The following SP110 variants were observed in gnomAD, a reference collection of about 807,000 sequenced individuals.
SP110 encodes the protein SP110 nuclear body protein.
A neutral mutation model predicts 92.7 loss-of-function variants in SP110; 62 were observed. The ratio of observed to expected loss-of-function variants is 0.67; its 90% CI spans 0.55 to 0.83. The LOEUF is 0.83. SP110 is among the 40% of genes least tolerant of loss of function. The pLI, the probability that SP110 is intolerant of heterozygous loss-of-function variation, is 0.00. For synonymous variants in SP110, 273 were observed against 305.3 expected (o/e 0.89, Z 1.10); for missense variants, 793 against 863.9 (o/e 0.92, Z 1.03).
chr2:230,170,970 A>C, intron 17 of SP110: 2 of 620,940 alleles, frequency 3.2e-6, no homozygotes, highest in Non-Finnish European at 5.8e-6. Context: ...GGGTACCATA[A>C]ATAATAATGC....
chr2:230,221,697 T>C (rs1176732392), upstream of SP110: 4 of 1,535,846 alleles, frequency 2.6e-6, no homozygotes, highest in Non-Finnish European at 2.6e-6. Context: ...ATGTCACATG[T>C]CACTTACCTG....
chr2:230,167,205 C>T lies in SP110; in HGVS notation c.*1919G>A, dbSNP rs2114586. ...GCGACCTCTGCCTCCCAGGCTCATCCTTCCACCTCAGCCTCCTGAGTAGCT... is the reference window on the plus strand; with the variant it reads ...GCGACCTCTGCCTCCCAGGCTCATCTTTCCACCTCAGCCTCCTGAGTAGCT... On this transcript the variant is annotated 3_prime_UTR_variant, in exon 19 of 19. Coordinates refer to ENST00000258381, the MANE Select transcript of SP110 (RefSeq NM_080424.4). 98,718 of 149,068 alleles carry T rather than the reference C, an allele frequency of 0.66. 33,191 individuals carry two copies. The highest frequency in any genetic ancestry group is 0.72 in the Middle Eastern group (212 of 294). The allele number at this position is 149,068 out of a possible 1,614,324, so 9.2% of individuals were successfully genotyped here.
At chr2:230,205,932 C>A (rs1378594558) in intron 8 of SP110, among the ~76,000 whole-genome samples, 4 of 152,136 alleles carry the variant, frequency 2.6e-5, no homozygotes, top group Admixed American at 2.6e-4. Context: ...TTACAATGAA[C>A]CAAGGAGGCC....
chr2:230,172,083 G>A lies in SP110; in HGVS notation c.1798C>T (p.Gln600Ter). The change falls in exon 16 of 19, where the codon CAG becomes TAG. Residue 600 changes from glutamine to a stop codon, truncating the protein, a stop_gained. Coordinates refer to ENST00000258381, the MANE Select transcript of SP110 (RefSeq NM_080424.4). LOFTEE classifies it high-confidence loss of function. ...HVSKTLERQM[Q>*]PQDQLKCEFL... The stretch of plus-strand genomic sequence containing the variant: ...CAACTCACCAGCTGGTCCTGAGGCT[G>A]CATCTGCCTCTCCAGGGTCTTAGAT... 1 of 1,606,228 alleles carries A rather than the reference G, an allele frequency of 6.2e-7. No individual in the cohort carries two copies. The highest frequency in any genetic ancestry group is 8.5e-7 in the Non-Finnish European group (1 of 1,172,670).
chr2:230,205,040 A>T (rs1305740728), intron 8 of SP110, among the ~76,000 whole-genome samples: 1 of 152,218 alleles, frequency 6.6e-6, no homozygotes, highest in Non-Finnish European at 1.5e-5. Context: ...CACATTAAGG[A>T]CAGTGAACAT....
At chr2:230,176,300 C>T (rs1264743456) in intron 14 of SP110, among the ~76,000 whole-genome samples, 1 of 152,094 alleles carries the variant, frequency 6.6e-6, no homozygotes, top group African/African-American at 2.4e-5. Context: ...ATCCTCCTAC[C>T]TCAGCCTTAG....
At position 230,219,879 on chromosome 2, in the gene SP110, C is replaced by G; in HGVS notation, c.-7G>C. The G allele has an allele frequency of 2.0e-6, 2 of 980,254 alleles. No homozygotes were observed. Among genetic ancestry groups the G allele is most frequent in the Non-Finnish European group, 1.2e-6 (1 of 825,064 alleles). The allele number at this position is 980,254 out of a possible 1,614,324, so 60.7% of individuals were successfully genotyped here. On this transcript the variant is annotated 5_prime_UTR_variant, in exon 1 of 19. Transcript: ENST00000258381. The stretch of plus-strand genomic sequence containing the variant: ...CAGCAAAGACAGAAACTCACCTGGA[C>G]TTTGAGTTTGTCGTTCCTGCCCCTT...
chr2:230,201,443 G>C (rs1422103833), intron 9 of SP110, among the ~76,000 whole-genome samples: 2 of 152,032 alleles, frequency 1.3e-5, no homozygotes, highest in African/African-American at 2.4e-5. Flanking sequence ...ATCTCAGCAG[G>C]AATCACTGCA....
At chr2:230,183,253 T>C (rs1393220666) in intron 12 of SP110, among the ~76,000 whole-genome samples, 1 of 152,248 alleles carries the variant, frequency 6.6e-6, no homozygotes, top group Non-Finnish European at 1.5e-5. Context: ...AGGGTTTCCT[T>C]TAATTCCTAG....
At chr2:230,195,117 A>G (rs1479291436) in intron 10 of SP110, among the ~76,000 whole-genome samples, 2 of 152,152 alleles carry the variant, frequency 1.3e-5, no homozygotes, top group Admixed American at 1.3e-4. Flanking sequence ...CTAAAAAAGA[A>G]AAAACCCACA....
chr2:230,215,409 G>A (rs1458886838), intron 2 of SP110, among the ~76,000 whole-genome samples: 2 of 152,204 alleles, frequency 1.3e-5, no homozygotes, highest in Admixed American at 6.5e-5. Flanking sequence ...AGAGAAATTT[G>A]AAGGAAGGAA....
chr2:230,200,414 G>A (rs2043077841), intron 10 of SP110: 1 of 185,772 alleles, frequency 5.4e-6, no homozygotes, highest in South Asian at 9.7e-5. Context: ...CAGTCATAGT[G>A]TCACATGTGT....
In SP110 at chr2:230,166,130, G is replaced by T. The variant is rs528851743; in HGVS notation, c.*2994C>A. Among the ~76,000 whole-genome samples, 1 of 152,126 alleles carries T rather than the reference G, an allele frequency of 6.6e-6. No individual in the cohort carries two copies. Among genetic ancestry groups the T allele is most frequent in the Non-Finnish European group, 1.5e-5 (1 of 68,026 alleles). On this transcript the variant is annotated 3_prime_UTR_variant, in exon 19 of 19. Transcript: ENST00000258381. Reference sequence around the variant, plus strand: ...GCTGGTCTCGATCTCTTGACCTCGCGATCCACTCGCCTCAGCCTCCCAAAG... The same window carrying T: ...GCTGGTCTCGATCTCTTGACCTCGCTATCCACTCGCCTCAGCCTCCCAAAG...
chr2:230,199,880 G>A (rs940574373), intron 10 of SP110, among the ~76,000 whole-genome samples: 10 of 152,220 alleles, frequency 6.6e-5, no homozygotes, highest in South Asian at 2.1e-4. Flanking sequence ...TATGGAGAAC[G>A]ATGGCTCCTG....
At chr2:230,199,450 T>C (rs113537847) in intron 10 of SP110, among the ~76,000 whole-genome samples, 22,832 of 151,708 alleles carry the variant, frequency 0.15, 2,116 homozygotes, top group South Asian at 0.27. Context: ...CTCAAGTGAT[T>C]CACCTACCTC....
At position 230,183,646 on chromosome 2, in the gene SP110, C is replaced by T. The variant is rs2042227449; in HGVS notation, c.1280-6G>A. 1 of 1,470,824 alleles carries T rather than the reference C, an allele frequency of 6.8e-7. No individual in the cohort carries two copies. The highest frequency in any genetic ancestry group is 1.1e-5 in the South Asian group (1 of 88,230). 91.1% of individuals were successfully genotyped at this position (1,470,824 alleles called of 1,614,324 possible). A position where few individuals can be genotyped will look rare whatever the true frequency, so the allele number is the denominator to read the frequency against. ...ATCTTTCTCCTTTTTCTTTTCTAAA[C>T]ACAGAATTAATAATCACTTATAGCT... On this transcript the variant is annotated splice_polypyrimidine_tract_variant and splice_region_variant and intron_variant, in intron 11 of 18. Transcript: ENST00000258381.
At position 230,166,787 on chromosome 2, in the gene SP110, T is replaced by G. The variant is rs2106331966; in HGVS notation, c.*2337A>C. 6.6e-6 allele frequency among the ~76,000 whole-genome samples: 1 copy of G among 152,302 alleles called. No individual in the cohort carries two copies. The highest frequency in any genetic ancestry group is 2.4e-5 in the African/African-American group (1 of 41,550). ...AAGAAGCCTGTGGGGTAGGATGGGA[T>G]GGGATGGGAATTAGAGGTGTATCAT... is the stretch of plus-strand genomic sequence containing the variant. On this transcript the variant is annotated 3_prime_UTR_variant, in exon 19 of 19. Transcript: ENST00000258381.
chr2:230,200,755 A>T (rs1235941793), intron 10 of SP110, 130 bp downstream of exon 10: 2 of 750,380 alleles, frequency 2.7e-6, no homozygotes, highest in Admixed American at 2.2e-5. Flanking sequence ...AAGAAAAAAA[A>T]ATCCAGAAGG....
rs3769838 is a variant in SP110, at chr2:230,211,476, T to C, written c.745A>G (p.Met249Val). ...TTGACCAAACCAAGATTACCTGGCA[T>C]AGAGCCCAAGGGAGAGTGGGGCATC... is the stretch of plus-strand genomic sequence containing the variant. The part of the protein sequence containing the change: ...QEMPHSPLGS[M>V]PEIRDNSPEP... Residue 249 changes from methionine to valine, a missense_variant, in exon 6 of 19, where the codon ATG becomes GTG. Physicochemically the swap from Met to Val is conservative, Grantham distance 21 (BLOSUM62 1). Coordinates refer to ENST00000258381, the MANE Select transcript of SP110 (RefSeq NM_080424.4). This position sits in a 1 kb window ranked among gnomAD's most constrained non-coding sequence, Gnocchi z 4.2. The C allele has an allele frequency of 7.2e-4, 1,149 of 1,598,504 alleles. 12 individuals carry two copies. In the East Asian group the frequency reaches 0.022, roughly 31 times the overall value.
Sources: gnomAD v4.1 joint callset for allele counts (sites outside exome capture counted in the v4.1 genomes callset) on GRCh38, gnomAD v4.1.1 for gene constraint, Gnocchi (gnomAD v3.1) non-coding constraint, MANE v1.5 for transcripts, NCBI Gene and HGNC (gene_info 2026-07-23, HGNC 2026-07-21) for gene names.